SNTB1: variants seen among roughly 807,000 people sequenced by gnomAD.
SNTB1 encodes syntrophin beta 1.
SNTB1 carries 36 observed loss-of-function variants against 48.9 expected under a neutral mutation model. The observed-to-expected ratio is 0.74, with a 90% CI of 0.56 to 0.97. The LOEUF is 0.97. Ranked by LOEUF, SNTB1 falls within the 50% of genes least tolerant of loss-of-function variation. The pLI, the probability that SNTB1 is intolerant of heterozygous loss-of-function variation, is 0.00. For missense variants in SNTB1, 786 were observed against 703.4 expected (o/e 1.12, Z -1.33); for synonymous variants, 299 against 294.6 (o/e 1.01, Z -0.15).
chr8:120,768,105 A>C (rs1819558236), intron 1 of SNTB1, among the ~76,000 whole-genome samples: 1 of 152,206 alleles, frequency 6.6e-6, no homozygotes, highest in Admixed American at 6.5e-5. Context: ...GCACTGCTGG[A>C]AAGGCAGGCA....
rs1169640433 is a variant in SNTB1 at position 120,541,903 on chromosome 8, G to A, written c.1431C>T (p.Thr477=). The A allele has an allele frequency of 1.9e-6, 3 of 1,613,622 alleles. No individual in the cohort carries two copies. Among genetic ancestry groups the A allele is most frequent in the African/African-American group, 2.7e-5 (2 of 74,888 alleles). ...GCTTTTCATAAGGAGACTGTATGAT[G>A]GTCTTGGGAAAGGCACCCTCCTGTG... is the stretch of plus-strand genomic sequence containing the variant. ...TEPQEGAFPK[T]IIQSPYEKLK... The change falls in exon 6 of 7, where the codon ACC becomes ACT. Residue 477 remains threonine (T), a synonymous_variant. Coordinates refer to ENST00000517992, the MANE Select transcript of SNTB1 (RefSeq NM_021021.4).
intron 2 of SNTB1, chr8:120,638,027 C>T (rs1817112259): frequency 6.0e-6 from 1 of 166,410 alleles, no homozygotes; most frequent in African/African-American, 2.4e-5. Context: ...ATGTATGCCC[C>T]AATCTCTGAG....
At chr8:120,655,679 A>C (rs1196698902) in intron 2 of SNTB1, among the ~76,000 whole-genome samples, 2 of 152,238 alleles carry the variant, frequency 1.3e-5, no homozygotes, top group Non-Finnish European at 2.9e-5. Context: ...GTTGCTGTTC[A>C]ATATCTTTTG....
intron 1 of SNTB1, among the ~76,000 whole-genome samples, chr8:120,727,395 A>C (rs749284720): frequency 6.6e-6 from 1 of 152,126 alleles, no homozygotes; most frequent in Non-Finnish European, 1.5e-5. Context: ...ATGAGAGTCT[A>C]TTTACTTGAG....
In SNTB1 at chr8:120,811,129, CT is replaced by C. The variant is rs1820419362; in HGVS notation, c.571+143del. Reference sequence around the variant, plus strand: ...CTATGCTGCCACCCCCTGCGCCACCCTTCCCCCCCCCCCAACACACACACAC... The same window carrying C: ...CTATGCTGCCACCCCCTGCGCCACCCTCCCCCCCCCCCAACACACACACAC... On this transcript the variant is annotated intron_variant, in intron 1 of 6. Coordinates refer to ENST00000517992, the MANE Select transcript of SNTB1 (RefSeq NM_021021.4). 7 of 1,183,952 alleles carry C rather than the reference CT, an allele frequency of 5.9e-6. No homozygotes were observed. The South Asian group carries it at 6.7e-5, about 11-fold the overall frequency. 73.3% of individuals were successfully genotyped at this position (1,183,952 alleles called of 1,614,324 possible). A position where few individuals can be genotyped will look rare whatever the true frequency, so the allele number is the denominator to read the frequency against.
At chr8:120,596,702 C>G (rs942490279) in intron 3 of SNTB1, among the ~76,000 whole-genome samples, 2 of 152,206 alleles carry the variant, frequency 1.3e-5, no homozygotes, top group Admixed American at 1.3e-4. Context: ...TCTCCACCCT[C>G]CCTTCCACCT....
intron 3 of SNTB1, among the ~76,000 whole-genome samples, chr8:120,603,061 A>T (rs1256353440): frequency 2.0e-5 from 3 of 151,802 alleles, no homozygotes; most frequent in African/African-American, 7.3e-5. Flanking sequence ...TAGTTTTAGA[A>T]TATTTTCATC....
intron 4 of SNTB1, among the ~76,000 whole-genome samples, chr8:120,560,945 C>T (rs185408885): frequency 2.6e-4 from 39 of 152,194 alleles, no homozygotes; most frequent in Admixed American, 2.4e-3. Context: ...TTTGAACCCA[C>T]GGCTATATGA....
intron 3 of SNTB1, among the ~76,000 whole-genome samples, chr8:120,629,461 A>G (rs1816943273): frequency 1.3e-5 from 2 of 152,224 alleles, no homozygotes; most frequent in Admixed American, 1.3e-4. Context: ...ATAGGAAAAG[A>G]CAAAGAACAT....
intron 3 of SNTB1, among the ~76,000 whole-genome samples, chr8:120,605,110 C>T (rs530423704): frequency 6.6e-6 from 1 of 152,284 alleles, no homozygotes; most frequent in South Asian, 2.1e-4. Context: ...ACCAATGTGC[C>T]TTTGTGTACG....
At chr8:120,540,554 G>A (rs377086919) in intron 6 of SNTB1, among the ~76,000 whole-genome samples, 1 of 152,172 alleles carries the variant, frequency 6.6e-6, no homozygotes, top group East Asian at 1.9e-4. Context: ...AGTACATGAT[G>A]GGTGATTGAT....
intron 3 of SNTB1, among the ~76,000 whole-genome samples, chr8:120,617,313 CAT>C (rs544379857): frequency 1.8e-4 from 27 of 152,174 alleles, no homozygotes; most frequent in Non-Finnish European, 3.7e-4. Flanking sequence ...TATTATAACT[CAT>C]GTGGTTCTTA....
intron 3 of SNTB1, among the ~76,000 whole-genome samples, chr8:120,614,409 T>C (rs551517647): frequency 4.3e-4 from 66 of 152,360 alleles, no homozygotes; most frequent in Admixed American, 7.8e-4. Flanking sequence ...CAACTCCTTC[T>C]CTGGCATATT....
intron 3 of SNTB1, among the ~76,000 whole-genome samples, chr8:120,612,297 A>G (rs976584353): frequency 2.0e-5 from 3 of 152,364 alleles, no homozygotes; most frequent in African/African-American, 7.2e-5. Flanking sequence ...TAGTTATTAC[A>G]TCCCTTTCAC....
At chr8:120,699,163 T>C (rs1818262032) in intron 1 of SNTB1, among the ~76,000 whole-genome samples, 2 of 152,168 alleles carry the variant, frequency 1.3e-5, no homozygotes, top group African/African-American at 4.8e-5. Context: ...CACAACCAAA[T>C]TCCCATTAGT....
rs57430323 is a variant in SNTB1, at chr8:120,747,076, G to GA, written c.572-53169dup. 3.2e-3 allele frequency among the ~76,000 whole-genome samples: 473 copies of GA among 149,604 alleles called. 6 individuals carry two copies. The East Asian group carries it at 0.037, about 12-fold the overall frequency. On this transcript the variant is annotated intron_variant, in intron 1 of 6. Transcript: ENST00000517992. The stretch of plus-strand genomic sequence containing the variant: ...CCATGGTGTATTTTTAAGTAAAAAA[G>GA]AAAAAAAAAGGCAGGTTAAAATACA...
At chr8:120,705,010 G>A (rs1026578986) in intron 1 of SNTB1, among the ~76,000 whole-genome samples, 2 of 152,210 alleles carry the variant, frequency 1.3e-5, no homozygotes, top group Non-Finnish European at 2.9e-5. Flanking sequence ...TTCAGAAAAG[G>A]AGAGAGAAGT....
At chr8:120,714,998 T>C (rs554645138) in intron 1 of SNTB1, among the ~76,000 whole-genome samples, 1 of 152,354 alleles carries the variant, frequency 6.6e-6, no homozygotes, top group South Asian at 2.1e-4. Flanking sequence ...AGCTACATAA[T>C]AGCACAAATT....
At chr8:120,604,842 T>C (rs1402996423) in intron 3 of SNTB1, among the ~76,000 whole-genome samples, 1 of 152,224 alleles carries the variant, frequency 6.6e-6, no homozygotes, top group Non-Finnish European at 1.5e-5. Flanking sequence ...TAACCATTCC[T>C]GGTAAAAAGA....
Sources: allele counts gnomAD v4.1 joint callset (sites outside exome capture counted in the v4.1 genomes callset), GRCh38; gene constraint gnomAD v4.1.1; transcripts MANE v1.5; gene names NCBI Gene and HGNC (gene_info 2026-07-23, HGNC 2026-07-21).